Variants in MID1 observed in about 807,000 individuals in gnomAD.
MID1 encodes the protein E3 ubiquitin-protein ligase Midline-1.
MID1 carries 7 observed loss-of-function variants against 40.4 expected under a neutral mutation model. The ratio of observed to expected loss-of-function variants is 0.17; its 90% CI spans 0.10 to 0.33. MID1 has a LOEUF of 0.33. Ranked by LOEUF, MID1 falls within the 10% of genes least tolerant of loss-of-function variation. The pLI is 1.00. For synonymous variants in MID1, 229 were observed against 221.2 expected (o/e 1.04, Z -0.31); for missense variants, 367 against 558.5 (o/e 0.66, Z 3.46).
At chrX:10,590,686 C>T (rs906750482) in intron 1 of MID1, among the ~76,000 whole-genome samples, 10 of 112,368 alleles carry the variant, frequency 8.9e-5, no homozygotes, top group Non-Finnish European at 3.8e-5. Context: ...AACATATTCT[C>T]AAGGCAGGCT....
At position 10,476,645 on chromosome X, in the gene MID1, G is replaced by A. The variant is rs1186806839; in HGVS notation, c.1014-1895C>T. ...TAATCAACAATGTCATAAATGTAAT[G>A]ATACTGGGATTGAAAGATGCAAGTG... On this transcript the variant is annotated intron_variant, in intron 5 of 9. Transcript: ENST00000317552. 2.7e-5 allele frequency among the ~76,000 whole-genome samples: 3 copies of A among 111,892 alleles called. No homozygotes were observed. In the East Asian group the frequency reaches 8.5e-4, roughly 32 times the overall value.
chrX:10,791,792 T>C (rs1397612225), intron 1 of MID1, among the ~76,000 whole-genome samples: 2 of 111,563 alleles, frequency 1.8e-5, no homozygotes, highest in African/African-American at 6.5e-5. Flanking sequence ...TGTGTGTGTG[T>C]GCATGTGTGT....
chrX:10,485,924 T>C (rs1930592495), intron 4 of MID1, among the ~76,000 whole-genome samples: 1 of 111,697 alleles, frequency 9.0e-6, no homozygotes, highest in Admixed American at 9.5e-5. Flanking sequence ...GACCCTTATT[T>C]TGTTGAGCTT....
chrX:10,811,722 G>A (rs770994915), intron 1 of MID1, among the ~76,000 whole-genome samples: 1 of 111,960 alleles, frequency 8.9e-6, no homozygotes, highest in Admixed American at 9.5e-5. Flanking sequence ...GCTAGATGGA[G>A]AAGGAGAGCC....
intron 1 of MID1, among the ~76,000 whole-genome samples, chrX:10,702,602 G>A (rs968723702): frequency 1.1e-4 from 12 of 111,727 alleles, no homozygotes; most frequent in Non-Finnish European, 2.1e-4. Context: ...TGTGTTTTTC[G>A]AAGGCAAACT....
intron 1 of MID1, among the ~76,000 whole-genome samples, chrX:10,701,166 A>G (rs1367582344): frequency 2.7e-5 from 3 of 112,110 alleles, no homozygotes; most frequent in African/African-American, 9.7e-5. Context: ...CTGTTTTCTA[A>G]CAAAGTGTGA....
chrX:10,719,666 A>G (rs1484872996), intron 1 of MID1, among the ~76,000 whole-genome samples: 1 of 111,844 alleles, frequency 8.9e-6, no homozygotes, highest in East Asian at 2.8e-4. Flanking sequence ...CAAGCTACCA[A>G]TGACTTTCTT....
chrX:10,460,019 C>T, intron 7 of MID1: 1 of 449,748 alleles, frequency 2.2e-6, no homozygotes, highest in Non-Finnish European at 3.9e-6. Context: ...TATATCCAGG[C>T]CCAAATAACT....
chrX:10,616,643 T>C (rs1029058330), intron 1 of MID1, among the ~76,000 whole-genome samples: 1 of 112,303 alleles, frequency 8.9e-6, no homozygotes, highest in Admixed American at 9.4e-5. Context: ...AACTACCAAT[T>C]AACGGATTTG....
At chrX:10,799,259 C>T (rs928678280) in intron 1 of MID1, among the ~76,000 whole-genome samples, 11 of 111,360 alleles carry the variant, frequency 9.9e-5, no homozygotes, top group Non-Finnish European at 1.9e-4. Flanking sequence ...TTTTTTTCAC[C>T]TCAAGCAAAT....
At chrX:10,589,183 A>T (rs1252334858) in intron 1 of MID1, among the ~76,000 whole-genome samples, 1 of 112,010 alleles carries the variant, frequency 8.9e-6, no homozygotes, top group Non-Finnish European at 1.9e-5. Flanking sequence ...AACCAAAACT[A>T]AGCAATCCAG....
chrX:10,698,394 T>C (rs2043174254), intron 1 of MID1, among the ~76,000 whole-genome samples: 1 of 112,462 alleles, frequency 8.9e-6, no homozygotes, highest in African/African-American at 3.2e-5. Context: ...CTTATATACA[T>C]AGTTATGTCT....
In MID1 at chrX:10,693,329, G is replaced by T. The variant is rs184264429; in HGVS notation, c.-186-72910C>A. Among the ~76,000 whole-genome samples, 324 of 107,786 alleles carry T rather than the reference G, an allele frequency of 3.0e-3. 2 individuals are homozygous for T. The highest frequency in any genetic ancestry group is 0.011 in the African/African-American group (315 of 29,522). 93.6% of individuals were successfully genotyped at this position (107,786 alleles called of 115,157 possible). A position where few individuals can be genotyped will look rare whatever the true frequency, so the allele number is the denominator to read the frequency against. Reference sequence around the variant, plus strand: ...CCTACCCCAGCCTTCCAAGTAGCTGGGACCACAGGTGTGCACCACTGCACT... The same window carrying T: ...CCTACCCCAGCCTTCCAAGTAGCTGTGACCACAGGTGTGCACCACTGCACT... On this transcript the variant is annotated intron_variant, in intron 1 of 10. Transcript: ENST00000380785.
At chrX:10,702,856 G>C (rs897018389) in intron 1 of MID1, among the ~76,000 whole-genome samples, 4 of 112,059 alleles carry the variant, frequency 3.6e-5, no homozygotes, top group Non-Finnish European at 7.5e-5. Flanking sequence ...GTGAGGCTCT[G>C]ATCCAGCAGG....
intron 2 of MID1, among the ~76,000 whole-genome samples, chrX:10,564,199 A>G (rs886140932): frequency 2.7e-5 from 3 of 112,055 alleles, no homozygotes; most frequent in Non-Finnish European, 5.6e-5. Context: ...TTCAGAGCAC[A>G]TTTCAGACCA....
chrX:10,763,016 C>T (rs1461444759), intron 1 of MID1, among the ~76,000 whole-genome samples: 1 of 111,113 alleles, frequency 9.0e-6, no homozygotes, highest in Non-Finnish European at 1.9e-5. Context: ...TTTCTGAAAA[C>T]GGTCAGATAG....
At chrX:10,754,299 G>GTTT (rs1268373586) in intron 1 of MID1, among the ~76,000 whole-genome samples, 27 of 102,164 alleles carry the variant, frequency 2.6e-4, no homozygotes, top group African/African-American at 1.1e-3. Flanking sequence ...AGACAAGAGA[G>GTTT]TTTTTTTTTG....
intron 1 of MID1, among the ~76,000 whole-genome samples, chrX:10,758,227 A>C (rs2043647492): frequency 9.3e-6 from 1 of 106,968 alleles, no homozygotes; most frequent in African/African-American, 3.5e-5. Context: ...TGCCCGTCTC[A>C]GCCTCCCAAA....
intron 1 of MID1, among the ~76,000 whole-genome samples, chrX:10,577,389 AT>A (rs1222318507): frequency 2.7e-5 from 3 of 111,919 alleles, no homozygotes; most frequent in African/African-American, 9.7e-5. Context: ...ATTTAAAAAA[AT>A]AATATACACA....
Sources: gnomAD v4.1 joint callset for allele counts (sites outside exome capture counted in the v4.1 genomes callset) on GRCh38, gnomAD v4.1.1 for gene constraint, MANE v1.5 for transcripts, NCBI Gene and HGNC (gene_info 2026-07-23, HGNC 2026-07-21) for gene names.